The following CLOCK variants were observed in gnomAD, a reference collection of about 807,000 sequenced individuals.
The protein encoded by CLOCK is clock circadian regulator, also known as circadian locomoter output cycles protein kaput.
CLOCK carries 43 observed loss-of-function variants against 118.4 expected under a neutral mutation model. That is an observed-to-expected ratio of 0.36 (90% CI 0.28 to 0.47). The LOEUF is 0.47. CLOCK is among the 20% of genes least tolerant of loss of function. The pLI, the probability that CLOCK is intolerant of heterozygous loss-of-function variation, is 1.00. For missense variants in CLOCK, 846 were observed against 999.9 expected (o/e 0.85, Z 2.08); for synonymous variants, 326 against 339.2 (o/e 0.96, Z 0.43).
In CLOCK at chr4:55,432,410, T is replaced by C. The variant is rs534262856; in HGVS notation, c.*3005A>G. ...ATTTTTCCTGAAACTCAGTAGTTTC[T>C]TACCTAAAAAGTACCACCCAGAATA... On this transcript the variant is annotated 3_prime_UTR_variant, in exon 23 of 23. Coordinates refer to ENST00000513440, the MANE Select transcript of CLOCK (RefSeq NM_004898.4). 2 of 151,570 alleles carry C rather than the reference T, an allele frequency of 1.3e-5. No homozygotes were observed. The highest frequency in any genetic ancestry group is 4.2e-4 in the South Asian group (2 of 4,780). 9.4% of individuals were successfully genotyped at this position (151,570 alleles called of 1,614,324 possible).
intron 18 of CLOCK, among the ~76,000 whole-genome samples, chr4:55,446,886 T>C (rs1225359025): frequency 1.3e-5 from 2 of 152,204 alleles, no homozygotes; most frequent in East Asian, 3.8e-4. Context: ...CAAAGCTTTT[T>C]AACTCTATCT....
chr4:55,505,634 A>G (rs1213564935), intron 2 of CLOCK, among the ~76,000 whole-genome samples: 1 of 152,138 alleles, frequency 6.6e-6, no homozygotes, highest in African/African-American at 2.4e-5. Flanking sequence ...ACTGCACTCC[A>G]GGCTGGGTGA....
chr4:55,479,586 T>C (rs1200799428), intron 5 of CLOCK, 54 bp downstream of exon 5: 1 of 1,330,970 alleles, frequency 7.5e-7, no homozygotes, highest in Non-Finnish European at 1.1e-6. Flanking sequence ...TTATTTACCA[T>C]TATATTTATC....
At chr4:55,476,531 G>A (rs990935165) in intron 6 of CLOCK, among the ~76,000 whole-genome samples, 1 of 152,130 alleles carries the variant, frequency 6.6e-6, no homozygotes, top group African/African-American at 2.4e-5. Context: ...TGGGCAAAAA[G>A]CTTCTTCCCA....
chr4:55,441,989 A>AG (rs1196049063), intron 21 of CLOCK, among the ~76,000 whole-genome samples: 1 of 152,206 alleles, frequency 6.6e-6, no homozygotes, highest in Non-Finnish European at 1.5e-5. Context: ...GGGAAATAAA[A>AG]GGAGGCCCTC....
At chr4:55,515,857 T>C (rs1293819366) in intron 1 of CLOCK, among the ~76,000 whole-genome samples, 2 of 152,208 alleles carry the variant, frequency 1.3e-5, no homozygotes, top group Non-Finnish European at 2.9e-5. Context: ...CATATTTTGT[T>C]AAGTTGTTTT....
intron 18 of CLOCK, among the ~76,000 whole-genome samples, chr4:55,447,540 C>T (rs1248124580): frequency 6.6e-6 from 1 of 151,958 alleles, no homozygotes; most frequent in Non-Finnish European, 1.5e-5. Flanking sequence ...GAAGTAAAAC[C>T]ACAGACCTAA....
chr4:55,537,729 G>A (rs376297430), intron 1 of CLOCK, among the ~76,000 whole-genome samples: 1 of 152,200 alleles, frequency 6.6e-6, no homozygotes, highest in African/African-American at 2.4e-5. Flanking sequence ...GAGAGGTCAA[G>A]GCTGCAATGG....
At chr4:55,487,568 C>T (rs926658155) in intron 3 of CLOCK, among the ~76,000 whole-genome samples, 1 of 152,096 alleles carries the variant, frequency 6.6e-6, no homozygotes, top group African/African-American at 2.4e-5. Flanking sequence ...ATGTTTGTGG[C>T]TCCTTTATTT....
intron 22 of CLOCK, among the ~76,000 whole-genome samples, chr4:55,437,500 T>C (rs1291746142): frequency 6.6e-6 from 1 of 152,210 alleles, no homozygotes; most frequent in Non-Finnish European, 1.5e-5. Context: ...AAGGAGAGCC[T>C]GTCTGATTCA....
intron 3 of CLOCK, among the ~76,000 whole-genome samples, chr4:55,487,504 G>C (rs1269962636): frequency 6.6e-6 from 1 of 152,020 alleles, no homozygotes; most frequent in Non-Finnish European, 1.5e-5. Flanking sequence ...TAAAAACCTG[G>C]TACCCTGGGT....
chr4:55,535,385 T>C (rs908848936), intron 1 of CLOCK, among the ~76,000 whole-genome samples: 1 of 152,116 alleles, frequency 6.6e-6, no homozygotes, highest in Non-Finnish European at 1.5e-5. Context: ...AAACAGCTCA[T>C]AAATATTGAG....
intron 3 of CLOCK, among the ~76,000 whole-genome samples, chr4:55,485,700 T>C (rs1727254661): frequency 6.6e-6 from 1 of 152,218 alleles, no homozygotes; most frequent in South Asian, 2.1e-4. Context: ...TTGCAGTTAC[T>C]GGAATCCAAA....
intron 2 of CLOCK, among the ~76,000 whole-genome samples, chr4:55,497,063 C>A (rs965496607): frequency 6.6e-6 from 1 of 152,158 alleles, no homozygotes; most frequent in African/African-American, 2.4e-5. Context: ...TAAAACAACA[C>A]AAATTTACTA....
At chr4:55,519,497 T>C (rs149763062) in intron 1 of CLOCK, among the ~76,000 whole-genome samples, 1,530 of 152,226 alleles carry the variant, frequency 0.01, 11 homozygotes, top group Non-Finnish European at 0.016. Context: ...TAAGAATAAA[T>C]GTCATTGGAC....
Position 55,438,265 on chromosome 4 carries a change from C to G in CLOCK, c.2361+17G>C, listed in dbSNP as rs147100605. The G allele has an allele frequency of 6.2e-7, 1 of 1,613,924 alleles. No individual in the cohort carries two copies. The highest frequency in any genetic ancestry group is 1.3e-5 in the African/African-American group (1 of 75,014). On this transcript the variant is annotated intron_variant, in intron 22 of 22. Coordinates refer to ENST00000513440, the MANE Select transcript of CLOCK (RefSeq NM_004898.4). ...AAGTAAATGAGTTTGAAGCAGCTTC[C>G]CCATGGGGAGAATTACCTGTAAAAA... is the stretch of plus-strand genomic sequence containing the variant.
intron 8 of CLOCK, among the ~76,000 whole-genome samples, chr4:55,467,049 T>C (rs1725783420): frequency 6.6e-6 from 1 of 152,178 alleles, no homozygotes; most frequent in Non-Finnish European, 1.5e-5. Context: ...ACATGGGAAT[T>C]CTCTGTACTA....
At chr4:55,523,491 T>TA (rs35566281) in intron 1 of CLOCK, among the ~76,000 whole-genome samples, 33 of 151,930 alleles carry the variant, frequency 2.2e-4, no homozygotes, top group South Asian at 1.2e-3. Context: ...AAAGGGATAA[T>TA]AAAAAAAATT....
rs1723657380 is a variant in CLOCK, at chr4:55,444,763, C to G, written c.1562G>C (p.Gly521Ala). 6.2e-7 allele frequency: 1 copy of G among 1,613,760 alleles called. No individual in the cohort carries two copies. Among genetic ancestry groups the G allele is most frequent in the African/African-American group, 1.3e-5 (1 of 74,834 alleles). Residue 521 changes from glycine (G) to alanine (A), a missense_variant, in exon 19 of 23, where the codon GGA becomes GCA. This residue lies in a region of CLOCK where 520 missense variants were observed against 558.0 expected (regional missense o/e 0.93). Coordinates refer to ENST00000513440, the MANE Select transcript of CLOCK (RefSeq NM_004898.4). ...MSQFQFSAQL[G>A]AMQHLKDQLE... The stretch of plus-strand genomic sequence containing the variant: ...TTGGTCTTTCAGATGTTGCATGGCT[C>G]CTAATTGAGCTGAAAACTGAAACTG...
Sources: gnomAD v4.1 joint callset for allele counts (sites outside exome capture counted in the v4.1 genomes callset) on GRCh38, gnomAD v4.1.1 for gene constraint, gnomAD v4.1.1 regional missense constraint, MANE v1.5 for transcripts, NCBI Gene and HGNC (gene_info 2026-07-23, HGNC 2026-07-21) for gene names.